Variants in MBNL1 observed in about 807,000 individuals in gnomAD.
MBNL1 encodes muscleblind-like protein 1.
A neutral mutation model predicts 42.2 loss-of-function variants in MBNL1; 8 were observed. The observed-to-expected ratio is 0.19, with a 90% CI of 0.11 to 0.34. The LOEUF (loss-of-function observed/expected upper bound fraction) is 0.34. MBNL1 is among the 10% of genes least tolerant of loss of function. MBNL1 has a pLI of 1.00. For synonymous variants in MBNL1, 169 were observed against 173.9 expected (o/e 0.97, Z 0.22); for missense variants, 309 against 495.3 (o/e 0.62, Z 3.57).
chr3:152,340,402 G>T, intron 2 of MBNL1: 1 of 1,130,132 alleles, frequency 8.8e-7, no homozygotes, highest in Non-Finnish European at 1.3e-6. Flanking sequence ...AGATTGTAAT[G>T]ACAATGACTG....
At chr3:152,247,740 CT>C (rs1164810625) in intron 2 of MBNL1, among the ~76,000 whole-genome samples, 1 of 151,558 alleles carries the variant, frequency 6.6e-6, no homozygotes, top group African/African-American at 2.4e-5. Context: ...TTATTTTTAT[CT>C]TTATATACAT....
chr3:152,450,011 A>G (rs1398733205), intron 6 of MBNL1, among the ~76,000 whole-genome samples: 1 of 148,666 alleles, frequency 6.7e-6, no homozygotes, highest in African/African-American at 2.5e-5. Flanking sequence ...AGGTTGAGGC[A>G]GGAGAATCCC....
chr3:152,353,174 GTCTT>G (rs1262791464), intron 2 of MBNL1, among the ~76,000 whole-genome samples: 1 of 152,318 alleles, frequency 6.6e-6, no homozygotes, highest in East Asian at 1.9e-4. Flanking sequence ...TAGCAAAGGT[GTCTT>G]TCTTTCTCCT....
intron 2 of MBNL1, among the ~76,000 whole-genome samples, chr3:152,350,084 A>C (rs1434501552): frequency 1.3e-5 from 2 of 152,096 alleles, no homozygotes; most frequent in Non-Finnish European, 2.9e-5. Flanking sequence ...CTAAAGACAA[A>C]CCTTGGCGCA....
intron 2 of MBNL1, among the ~76,000 whole-genome samples, chr3:152,411,476 C>T (rs911724029): frequency 3.9e-5 from 6 of 152,076 alleles, no homozygotes; most frequent in Non-Finnish European, 7.4e-5. Flanking sequence ...GCCCAGATCG[C>T]GCCACTGCAC....
intron 2 of MBNL1, among the ~76,000 whole-genome samples, chr3:152,317,486 ATTTTTGTAT>A (rs1372780458): frequency 6.6e-6 from 1 of 151,934 alleles, no homozygotes; most frequent in Non-Finnish European, 1.5e-5. Flanking sequence ...TGCCGGGCTA[ATTTTTGTAT>A]TTTTTGTATA....
intron 2 of MBNL1, among the ~76,000 whole-genome samples, chr3:152,328,382 G>A (rs956266897): frequency 6.6e-6 from 1 of 152,032 alleles, no homozygotes; most frequent in African/African-American, 2.4e-5. Flanking sequence ...TGATACTATG[G>A]TGTGAATTTT....
chr3:152,456,884 G>A (rs890405117), intron 8 of MBNL1, among the ~76,000 whole-genome samples: 1 of 152,048 alleles, frequency 6.6e-6, no homozygotes, highest in African/African-American at 2.4e-5. Flanking sequence ...TAAATTGTTT[G>A]CATGTAGCAT....
intron 1 of MBNL1, chr3:152,269,311 G>A (rs1332922983): frequency 2.9e-6 from 1 of 348,266 alleles, no homozygotes; most frequent in African/African-American, 2.2e-5. Flanking sequence ...GCCCTTCCCT[G>A]CCGCGGGCTC....
intron 1 of MBNL1, among the ~76,000 whole-genome samples, chr3:152,279,573 A>G (rs2047209159): frequency 6.7e-6 from 1 of 148,720 alleles, no homozygotes; most frequent in Admixed American, 6.8e-5. Flanking sequence ...ACAAATGCTT[A>G]TACTCTGTTT....
At chr3:152,344,503 G>C (rs2093895552) in intron 2 of MBNL1, among the ~76,000 whole-genome samples, 1 of 152,122 alleles carries the variant, frequency 6.6e-6, no homozygotes, top group South Asian at 2.1e-4. Context: ...CCTGAAGGAA[G>C]GTTGTTTAGA....
intron 3 of MBNL1, among the ~76,000 whole-genome samples, chr3:152,431,150 T>C (rs1386569749): frequency 2.0e-5 from 3 of 152,190 alleles, no homozygotes; most frequent in Non-Finnish European, 4.4e-5. Context: ...GTATTGACTT[T>C]TGGGGCTGGA....
chr3:152,316,638 G>A (rs2071701169), intron 2 of MBNL1, among the ~76,000 whole-genome samples: 3 of 152,024 alleles, frequency 2.0e-5, no homozygotes, highest in South Asian at 4.1e-4. Context: ...CAACAGACAT[G>A]GGCAGATATA....
chr3:152,441,124 CAT>C (rs1466583304), intron 4 of MBNL1, among the ~76,000 whole-genome samples: 1 of 152,140 alleles, frequency 6.6e-6, no homozygotes, highest in African/African-American at 2.4e-5. Flanking sequence ...GAACACAAAA[CAT>C]ATTACCTCAA....
rs1018979468 is a variant in MBNL1, at chr3:152,348,324, A to G, written c.174+47957A>G. Among the ~76,000 whole-genome samples the G allele has an allele frequency of 2.0e-5, 3 of 152,166 alleles. No homozygotes were observed. In the East Asian group the frequency reaches 5.8e-4, roughly 29 times the overall value. On this transcript the variant is annotated intron_variant, in intron 2 of 9. Transcript: ENST00000324210. ...ATGTGTATTTACTGAATAAATGAGT[A>G]TGTGCTAGTGGAAATCAATGAGTGA...
At chr3:152,358,021 G>C (rs893329988) in intron 2 of MBNL1, among the ~76,000 whole-genome samples, 6 of 152,198 alleles carry the variant, frequency 3.9e-5, no homozygotes, top group African/African-American at 1.4e-4. Flanking sequence ...GCACGCACGT[G>C]CGTGTATCTG....
intron 2 of MBNL1, among the ~76,000 whole-genome samples, chr3:152,353,491 TTG>T (rs946694135): frequency 6.6e-6 from 1 of 152,146 alleles, no homozygotes; most frequent in African/African-American, 2.4e-5. Flanking sequence ...GTCTCCTTTT[TTG>T]TGTTTCTATT....
chr3:152,380,406 A>T (rs919911985), intron 2 of MBNL1, among the ~76,000 whole-genome samples: 1 of 152,068 alleles, frequency 6.6e-6, no homozygotes, highest in African/African-American at 2.4e-5. Context: ...ACGGGCATTG[A>T]GCCAGATAGA....
At chr3:152,404,692 A>G (rs1385488484) in intron 2 of MBNL1, among the ~76,000 whole-genome samples, 5 of 151,200 alleles carry the variant, frequency 3.3e-5, no homozygotes, top group Non-Finnish European at 5.9e-5. Flanking sequence ...GTATGTTTAC[A>G]TATATATGTA....
Sources: gnomAD v4.1 joint callset for allele counts (sites outside exome capture counted in the v4.1 genomes callset) on GRCh38, gnomAD v4.1.1 for gene constraint, MANE v1.5 for transcripts, NCBI Gene and HGNC (gene_info 2026-07-23, HGNC 2026-07-21) for gene names.